ARSJ: variants seen among roughly 807,000 people sequenced by gnomAD.
ARSJ encodes the protein arylsulfatase J.
In ARSJ, 26 loss-of-function variants were observed where a neutral mutation model predicts 35.9. The observed-to-expected ratio is 0.72, with a 90% CI of 0.53 to 1.00. The LOEUF (loss-of-function observed/expected upper bound fraction) is 1.00, where lower values mean the gene tolerates loss of function less well. ARSJ is among the 50% of genes least tolerant of loss of function. The pLI is 0.00. For synonymous variants in ARSJ, 294 were observed against 267.6 expected, an observed-to-expected ratio of 1.10 and a Z score of -0.96; for missense variants, 667 against 723.6, an observed-to-expected ratio of 0.92 and a Z score of 0.90.
intron 1 of ARSJ, among the ~76,000 whole-genome samples, chr4:113,921,707 A>G (rs1723690657): frequency 6.6e-6 from 1 of 152,134 alleles, no homozygotes; most frequent in Non-Finnish European, 1.5e-5. Flanking sequence ...TTCTCTTCTT[A>G]GTCAGAATGC....
Position 113,978,701 on chromosome 4 carries a change from G to A in ARSJ, c.134C>T (p.Ser45Phe), listed in dbSNP as rs900983280. ...ILCLLTYGYL[S>F]WGQALEEEEE... ...CTCCTCTTCTAAGGCCTGGCCCCAG[G>A]ACAGGTAACCATAAGTGAGGAGGCA... Residue 45 changes from serine to phenylalanine, a missense_variant, in exon 1 of 2, where the codon TCC becomes TTC. Transcript: ENST00000315366. 6.2e-7 allele frequency: 1 copy of A among 1,614,104 alleles called. No individual in the cohort carries two copies. The highest frequency in any genetic ancestry group is 8.5e-7 in the Non-Finnish European group (1 of 1,180,054).
chr4:113,908,148 A>G (rs1195386700), intron 1 of ARSJ, among the ~76,000 whole-genome samples: 1 of 152,252 alleles, frequency 6.6e-6, no homozygotes, highest in South Asian at 2.1e-4. Context: ...TAAATGCAAT[A>G]TGTGGTTTTG....
At chr4:113,978,292 C>CATCATTCATTA in intron 1 of ARSJ, 145 bp downstream of exon 1, 6 of 768,504 alleles carry the variant, frequency 7.8e-6, no homozygotes, top group Non-Finnish European at 1.2e-5. Flanking sequence ...TAACACGGTA[C>CATCATTCATTA]CCCAATACCA....
chr4:113,920,882 G>A (rs760672479), intron 1 of ARSJ, among the ~76,000 whole-genome samples: 3 of 151,958 alleles, frequency 2.0e-5, no homozygotes, highest in East Asian at 1.9e-4. Context: ...TCATATTCTC[G>A]AACAATTTAA....
intron 1 of ARSJ, among the ~76,000 whole-genome samples, chr4:113,928,144 CA>C (rs1724197260): frequency 6.6e-6 from 1 of 152,160 alleles, no homozygotes; most frequent in Non-Finnish European, 1.5e-5. Context: ...TGGAGGACCA[CA>C]ATGATGTTTG....
At chr4:113,916,478 A>G (rs970132536) in intron 1 of ARSJ, among the ~76,000 whole-genome samples, 2 of 152,188 alleles carry the variant, frequency 1.3e-5, no homozygotes, top group African/African-American at 4.8e-5. Flanking sequence ...TGCAAATTGT[A>G]AAATTTTATA....
chr4:113,962,025 A>T (rs1726578955), intron 1 of ARSJ, among the ~76,000 whole-genome samples: 1 of 151,992 alleles, frequency 6.6e-6, no homozygotes, highest in African/African-American at 2.4e-5. Context: ...GAGTGCATAC[A>T]TTGGCTCTTT....
intron 1 of ARSJ, among the ~76,000 whole-genome samples, chr4:113,941,338 G>A (rs1725147073): frequency 2.0e-5 from 3 of 151,986 alleles, no homozygotes; most frequent in Non-Finnish European, 2.9e-5. Flanking sequence ...GGATACAAGA[G>A]TCACTTCTTT....
intron 1 of ARSJ, chr4:113,971,068 A>G (rs930685559): frequency 6.6e-6 from 1 of 152,114 alleles, no homozygotes; most frequent in African/African-American, 2.4e-5. Context: ...CATGGAAAAA[A>G]ATGCCTCAAT....
At chr4:113,926,907 T>A (rs920613843) in intron 1 of ARSJ, among the ~76,000 whole-genome samples, 14 of 152,090 alleles carry the variant, frequency 9.2e-5, no homozygotes, top group Admixed American at 3.9e-4. Flanking sequence ...CTGCTGTGAT[T>A]CACTTATGGG....
At chr4:113,949,599 T>C (rs1725726264) in intron 1 of ARSJ, among the ~76,000 whole-genome samples, 2 of 152,096 alleles carry the variant, frequency 1.3e-5, no homozygotes, top group Non-Finnish European at 2.9e-5. Context: ...TATTTACTGA[T>C]GGCTCCCTTA....
chr4:113,920,176 TCTAA>T (rs1256958664), intron 1 of ARSJ, among the ~76,000 whole-genome samples: 1 of 152,198 alleles, frequency 6.6e-6, no homozygotes, highest in Non-Finnish European at 1.5e-5. Context: ...GTAATTGTTC[TCTAA>T]CTCTTACACA....
At position 113,977,518 on chromosome 4, in the gene ARSJ, G is replaced by C. The variant is rs557330765; in HGVS notation, c.398+919C>G. On this transcript the variant is annotated intron_variant, in intron 1 of 1. Coordinates refer to ENST00000315366, the MANE Select transcript of ARSJ (RefSeq NM_024590.4). ...CCTGCAACTGAAATCACAAGACATA[G>C]ATTGAAATGGCTAAGGATTTTCTTC... Among the ~76,000 whole-genome samples, 194 of 152,322 alleles carry C rather than the reference G, an allele frequency of 1.3e-3. 1 individual carries two copies. The highest frequency in any genetic ancestry group is 4.4e-3 in the African/African-American group (183 of 41,576).
intron 1 of ARSJ, among the ~76,000 whole-genome samples, chr4:113,942,894 TTA>T (rs1441738516): frequency 3.3e-5 from 5 of 152,014 alleles, no homozygotes; most frequent in Non-Finnish European, 7.4e-5. Context: ...ATATTTTGCC[TTA>T]TGAGACAGAA....
intron 1 of ARSJ, among the ~76,000 whole-genome samples, chr4:113,953,177 T>C (rs1725966292): frequency 1.3e-5 from 2 of 152,090 alleles, no homozygotes; most frequent in Admixed American, 1.3e-4. Flanking sequence ...CTCACTATGC[T>C]GAAAGACTGG....
chr4:113,972,724 G>T (rs1359616790), intron 1 of ARSJ, among the ~76,000 whole-genome samples: 1 of 152,090 alleles, frequency 6.6e-6, no homozygotes, highest in Non-Finnish European at 1.5e-5. Flanking sequence ...GTGCAGTCTG[G>T]TCTCAAAGCA....
intron 1 of ARSJ, among the ~76,000 whole-genome samples, chr4:113,926,113 G>A (rs760331873): frequency 3.3e-5 from 5 of 152,152 alleles, no homozygotes; most frequent in Non-Finnish European, 5.9e-5. Flanking sequence ...CTCCTCTGCT[G>A]AGGTCACCTA....
Position 113,902,648 on chromosome 4 carries a change from C to T in ARSJ, c.1426G>A (p.Gly476Arg). Residue 476 changes from glycine (G) to arginine (R), a missense_variant, in exon 2 of 2, where the codon GGA becomes AGA. Gly to Arg is a moderately radical substitution (Grantham distance 125). Transcript: ENST00000315366. Reference sequence around the variant, plus strand: ...CGTTCATTGTGCCACCGGTTCGGTCCCAGGTTGCTGAAAGACTGAGGGGGG... The same window carrying T: ...CGTTCATTGTGCCACCGGTTCGGTCTCAGGTTGCTGAAAGACTGAGGGGGG... ...WVPPQSFSNL[G>R]PNRWHNERIT... 1 of 1,614,146 alleles carries T rather than the reference C, an allele frequency of 6.2e-7. No homozygotes were observed. The highest frequency in any genetic ancestry group is 1.7e-4 in the Middle Eastern group (1 of 6,060).
chr4:113,947,512 AAGAG>A (rs1364907479), intron 1 of ARSJ, among the ~76,000 whole-genome samples: 2 of 141,648 alleles, frequency 1.4e-5, no homozygotes, highest in East Asian at 2.5e-4. Context: ...AAAAGAAAGA[AAGAG>A]AGAGAGAGGG....
Sources: allele counts gnomAD v4.1 joint callset (sites outside exome capture counted in the v4.1 genomes callset), GRCh38; gene constraint gnomAD v4.1.1; transcripts MANE v1.5; gene names NCBI Gene and HGNC (gene_info 2026-07-23, HGNC 2026-07-21).